NTPCR: variants seen among roughly 807,000 people sequenced by gnomAD.
NTPCR encodes the protein nucleoside-triphosphatase, cancer-related, also known as cancer-related nucleoside-triphosphatase.
NTPCR carries 15 observed loss-of-function variants against 19.5 expected under a neutral mutation model. That is an observed-to-expected ratio of 0.77 (90% CI 0.51 to 1.18). The LOEUF is 1.18. Ranked by LOEUF, NTPCR falls within the 50% of genes most tolerant of loss-of-function variation. The pLI is 0.00. For missense variants in NTPCR, 206 were observed against 240.4 expected (o/e 0.86, Z 0.95); for synonymous variants, 90 against 95.8 (o/e 0.94, Z 0.36).
chr1:232,972,588 A>C (rs886628151), intron 4 of NTPCR, among the ~76,000 whole-genome samples: 38 of 151,044 alleles, frequency 2.5e-4, no homozygotes, highest in African/African-American at 9.3e-4. Flanking sequence ...ACCACACCTG[A>C]CTCATTTGTG....
chr1:232,967,329 C>T (rs1194340464), intron 3 of NTPCR: 3 of 152,128 alleles, frequency 2.0e-5, no homozygotes. Context: ...ACATCTTTCT[C>T]TCAACTGAAT....
intron 3 of NTPCR, chr1:232,962,508 G>C (rs1337892283): frequency 1.3e-5 from 2 of 152,132 alleles, no homozygotes; most frequent in Non-Finnish European, 2.9e-5. Flanking sequence ...TGGCCTTTTT[G>C]ATAGCTACCC....
At chr1:232,958,374 A>T (rs1301367544) in intron 3 of NTPCR, among the ~76,000 whole-genome samples, 4 of 151,960 alleles carry the variant, frequency 2.6e-5, no homozygotes, top group Admixed American at 6.6e-5. Context: ...GGCACTTGCC[A>T]TTTTTTTTGG....
chr1:232,977,698 G>A (rs993338392), intron 4 of NTPCR, among the ~76,000 whole-genome samples: 10 of 152,080 alleles, frequency 6.6e-5, no homozygotes, highest in Admixed American at 2.0e-4. Context: ...GTGGAGAGGC[G>A]GGTAGATGAC....
intron 3 of NTPCR, among the ~76,000 whole-genome samples, chr1:232,958,259 T>C (rs915312808): frequency 2.0e-5 from 3 of 152,256 alleles, no homozygotes; most frequent in African/African-American, 7.2e-5. Flanking sequence ...TAGAAGGCCC[T>C]GTAGCCCTGT....
Position 232,972,817 on chromosome 1 carries a change from G to A in NTPCR, c.504+2699G>A, listed in dbSNP as rs539167303. 3.9e-5 allele frequency among the ~76,000 whole-genome samples: 6 copies of A among 152,292 alleles called. No homozygotes were observed. The South Asian group carries it at 6.2e-4, about 16-fold the overall frequency. ...ATTGCTCACATGCAATAAAGTATCC[G>A]AATCCATTTTTGAGAGTGCCCTTCA... On this transcript the variant is annotated intron_variant, in intron 4 of 4. Coordinates refer to ENST00000366628, the MANE Select transcript of NTPCR (RefSeq NM_032324.3).
chr1:232,977,031 TCTC>T (rs1270869098), intron 4 of NTPCR: 1 of 154,032 alleles, frequency 6.5e-6, no homozygotes, highest in Non-Finnish European at 1.4e-5. Context: ...CCGCTCTGCA[TCTC>T]CTCTTCAGAC....
At position 232,952,061 on chromosome 1, in the gene NTPCR, A is replaced by G. The variant is rs891066878; in HGVS notation, c.34+1317A>G. 3.3e-5 allele frequency among the ~76,000 whole-genome samples: 5 copies of G among 151,798 alleles called. No homozygotes were observed. The South Asian group carries it at 6.3e-4, about 19-fold the overall frequency. ...TAATTCTACAGTGTAGCTCTCTTAA[A>G]CCTGTCCTCAAACCCACGCACCTTT... On this transcript the variant is annotated intron_variant, in intron 1 of 4. Coordinates refer to ENST00000366628, the MANE Select transcript of NTPCR (RefSeq NM_032324.3).
intron 1 of NTPCR, among the ~76,000 whole-genome samples, chr1:232,952,676 A>ATTT (rs200922293): frequency 6.8e-6 from 1 of 146,398 alleles, no homozygotes; most frequent in African/African-American, 2.5e-5. Context: ...ATGCCCTCTA[A>ATTT]TTTTTTTTTT....
chr1:232,978,256 T>C lies in NTPCR; in HGVS notation c.*25T>C, dbSNP rs1394714682. 5.0e-6 allele frequency: 8 copies of C among 1,605,588 alleles called. No individual in the cohort carries two copies. The highest frequency in any genetic ancestry group is 1.7e-5 in the Admixed American group (1 of 59,912). ...AAGACACGTGCATTCCTGCCTTCCG[T>C]GAAGGAGTGCCCAGTTCAAGAGGAG... is the stretch of plus-strand genomic sequence containing the variant. On this transcript the variant is annotated 3_prime_UTR_variant, in exon 5 of 5. Coordinates refer to ENST00000366628, the MANE Select transcript of NTPCR (RefSeq NM_032324.3).
At chr1:232,974,145 A>G (rs995400202) in intron 4 of NTPCR, among the ~76,000 whole-genome samples, 1 of 152,248 alleles carries the variant, frequency 6.6e-6, no homozygotes, top group African/African-American at 2.4e-5. Flanking sequence ...GAAAGCAGTG[A>G]AAGGAAAGCA....
intron 4 of NTPCR, among the ~76,000 whole-genome samples, chr1:232,973,224 A>G (rs2102757566): frequency 6.6e-6 from 1 of 152,194 alleles, no homozygotes; most frequent in South Asian, 2.1e-4. Flanking sequence ...TTTCCAATGA[A>G]TATGCATAGT....
intron 3 of NTPCR, chr1:232,962,996 T>C (rs1246454706): frequency 2.6e-5 from 4 of 152,218 alleles, no homozygotes; most frequent in Admixed American, 2.6e-4. Context: ...CAAGTTCTAG[T>C]CAGGATCCAT....
chr1:232,951,457 G>C (rs1668364202), intron 1 of NTPCR, among the ~76,000 whole-genome samples: 1 of 152,156 alleles, frequency 6.6e-6, no homozygotes, highest in Non-Finnish European at 1.5e-5. Context: ...CAGATGAGAG[G>C]TGTAGGAGGA....
At chr1:232,961,493 A>C (rs913236099) in intron 3 of NTPCR, among the ~76,000 whole-genome samples, 2 of 152,094 alleles carry the variant, frequency 1.3e-5, no homozygotes, top group Admixed American at 1.3e-4. Context: ...TCAGTTGTTC[A>C]TTAAGTTTTC....
intron 4 of NTPCR, chr1:232,976,495 C>A: frequency 6.5e-7 from 1 of 1,542,706 alleles, no homozygotes; most frequent in East Asian, 2.4e-5. Context: ...CTCTGTGTCG[C>A]CTCCTTTCTA....
intron 4 of NTPCR, among the ~76,000 whole-genome samples, chr1:232,977,834 C>T (rs1004969431): frequency 3.9e-5 from 6 of 152,172 alleles, no homozygotes; most frequent in African/African-American, 1.2e-4. Context: ...CAGGACAGGT[C>T]GTGCTCAGGG....
intron 4 of NTPCR, 72 bp from the exon 5 acceptor site, chr1:232,978,091 G>A: frequency 1.5e-6 from 2 of 1,348,312 alleles, no homozygotes; most frequent in South Asian, 2.4e-5. Context: ...GTTTCTTTTA[G>A]AGAGTTACCT....
At chr1:232,965,359 C>A (rs1160297450) in intron 3 of NTPCR, 1 of 152,230 alleles carries the variant, frequency 6.6e-6, no homozygotes, top group Non-Finnish European at 1.5e-5. Flanking sequence ...TGTCACTGTG[C>A]TCTCAGTGAG....
Sources: allele counts gnomAD v4.1 joint callset (sites outside exome capture counted in the v4.1 genomes callset), GRCh38; gene constraint gnomAD v4.1.1; transcripts MANE v1.5; gene names NCBI Gene and HGNC (gene_info 2026-07-23, HGNC 2026-07-21).